GTPBP10: variants seen among roughly 807,000 people sequenced by gnomAD.
GTPBP10 encodes GTP binding protein 10, also known as GTP-binding protein 10.
In GTPBP10, 38 loss-of-function variants were observed where a neutral mutation model predicts 44.8. The observed-to-expected ratio is 0.85, with a 90% CI of 0.65 to 1.11. The LOEUF (loss-of-function observed/expected upper bound fraction) is 1.11, where lower values mean the gene tolerates loss of function less well. GTPBP10 is among the 50% of genes most tolerant of loss of function. The probability of loss-of-function intolerance (pLI) is 0.00; values close to 1 mark genes in which losing one functional copy is unlikely to be tolerated. For synonymous variants in GTPBP10, 152 were observed against 150.6 expected, an observed-to-expected ratio of 1.01 and a Z score of -0.07; for missense variants, 462 against 453.7, an observed-to-expected ratio of 1.02 and a Z score of -0.17.
rs117480664 is a variant in GTPBP10, at chr7:90,371,749, C to G, written c.465-406C>G. 2.7e-4 allele frequency among the ~76,000 whole-genome samples: 41 copies of G among 152,210 alleles called. No individual in the cohort carries two copies. The East Asian group carries it at 7.3e-3, about 27-fold the overall frequency. On this transcript the variant is annotated intron_variant, in intron 4 of 9. Coordinates refer to ENST00000222511, the MANE Select transcript of GTPBP10 (RefSeq NM_033107.4). ...TAGCTAAATGGAATTCATTACACCT[C>G]TCTACTTTTGTATATGTTTGAAACT...
At chr7:90,383,940 TG>T (rs1796476648) in intron 9 of GTPBP10, among the ~76,000 whole-genome samples, 1 of 152,210 alleles carries the variant, frequency 6.6e-6, no homozygotes, top group Non-Finnish European at 1.5e-5. Context: ...ATGTTGGAGC[TG>T]TCCTTGAGTT....
chr7:90,386,931 T>C lies in GTPBP10; in HGVS notation c.*1777T>C, dbSNP rs1425465370. ...AGTTCTTCCCAGGGAAAATGATTAA[T>C]AGTTTACATTCTTGCAGAAATTTTT... On this transcript the variant is annotated 3_prime_UTR_variant, in exon 10 of 10. Coordinates refer to ENST00000222511, the MANE Select transcript of GTPBP10 (RefSeq NM_033107.4). 6.6e-6 allele frequency: 1 copy of C among 152,200 alleles called. No individual in the cohort carries two copies. Among genetic ancestry groups the C allele is most frequent in the Non-Finnish European group, 1.5e-5 (1 of 68,030 alleles). 9.4% of individuals were successfully genotyped at this position (152,200 alleles called of 1,614,324 possible).
intron 8 of GTPBP10, among the ~76,000 whole-genome samples, chr7:90,379,804 A>C (rs1439386246): frequency 6.6e-6 from 1 of 152,158 alleles, no homozygotes; most frequent in Non-Finnish European, 1.5e-5. Flanking sequence ...TGTATGTTCC[A>C]ATTTTTCCAC....
At chr7:90,355,815 A>C (rs1584629570) in intron 4 of GTPBP10, among the ~76,000 whole-genome samples, 1 of 152,128 alleles carries the variant, frequency 6.6e-6, no homozygotes, top group African/African-American at 2.4e-5. Context: ...GTCCTCTTCC[A>C]CCAGCCTCCA....
chr7:90,377,449 T>C (rs1175217610), intron 6 of GTPBP10, 58 bp from the exon 7 acceptor site: 1 of 1,160,208 alleles, frequency 8.6e-7, no homozygotes, highest in South Asian at 1.4e-5. Context: ...TGGGATGTAA[T>C]TGAACTTGCG....
intron 4 of GTPBP10, among the ~76,000 whole-genome samples, chr7:90,359,116 G>A (rs573201984): frequency 8.6e-5 from 13 of 151,940 alleles, no homozygotes; most frequent in African/African-American, 3.1e-4. Flanking sequence ...GTGGGGAAAA[G>A]AGAACTCATA....
rs144280551 is a variant in GTPBP10 at position 90,379,594 on chromosome 7, CT to C, written c.777+1388del. Among the ~76,000 whole-genome samples the C allele has an allele frequency of 7.1e-3, 1,083 of 152,306 alleles. 9 individuals carry two copies. The highest frequency in any genetic ancestry group is 0.025 in the African/African-American group (1,043 of 41,550). On this transcript the variant is annotated intron_variant, in intron 8 of 9. Coordinates refer to ENST00000222511, the MANE Select transcript of GTPBP10 (RefSeq NM_033107.4). Reference sequence around the variant, plus strand: ...TTTATAGATCCTATTTCATTTGCCACTTTTTGTCTATAATGAATAATACTGC... The same window carrying C: ...TTTATAGATCCTATTTCATTTGCCACTTTTGTCTATAATGAATAATACTGC...
rs548879948 is a variant in GTPBP10 at position 90,357,411 on chromosome 7, G to A, written c.464+2181G>A. 1.1e-3 allele frequency among the ~76,000 whole-genome samples: 164 copies of A among 152,150 alleles called. 3 individuals are homozygous for A. In the South Asian group the frequency reaches 0.016, roughly 15 times the overall value. ...TAAGAACCTGGATGAAACAGGGTAT[G>A]AAAAAACTATATGTTCCAGGAGAAA... On this transcript the variant is annotated intron_variant, in intron 4 of 9. Coordinates refer to ENST00000222511, the MANE Select transcript of GTPBP10 (RefSeq NM_033107.4).
intron 8 of GTPBP10, among the ~76,000 whole-genome samples, chr7:90,381,042 A>G (rs1185136394): frequency 2.0e-5 from 3 of 152,196 alleles, no homozygotes; most frequent in Admixed American, 2.0e-4. Flanking sequence ...ATTGATGGAC[A>G]CTGAGGTTGA....
intron 6 of GTPBP10, among the ~76,000 whole-genome samples, chr7:90,375,441 A>G (rs1796328925): frequency 6.6e-6 from 1 of 151,606 alleles, no homozygotes; most frequent in Non-Finnish European, 1.5e-5. Context: ...CTAACGATGC[A>G]TCAATATGGG....
At chr7:90,347,519 G>GT in intron 1 of GTPBP10, 1 of 527,506 alleles carries the variant, frequency 1.9e-6, no homozygotes, top group Non-Finnish European at 2.4e-6. Flanking sequence ...AATCCCATTT[G>GT]TTTTTTATAA....
intron 8 of GTPBP10, among the ~76,000 whole-genome samples, chr7:90,382,040 GA>G (rs1175314710): frequency 6.6e-5 from 10 of 151,668 alleles, no homozygotes; most frequent in Non-Finnish European, 1.3e-4. Context: ...GCAACAAAAA[GA>G]AAAATAGACA....
intron 4 of GTPBP10, among the ~76,000 whole-genome samples, chr7:90,365,675 C>T (rs182995480): frequency 1.5e-3 from 228 of 152,244 alleles, no homozygotes; most frequent in African/African-American, 4.0e-3. Context: ...CGCGCCCGGC[C>T]GGGGTTTTCT....
intron 4 of GTPBP10, among the ~76,000 whole-genome samples, chr7:90,371,460 A>T (rs907890417): frequency 1.3e-5 from 2 of 152,194 alleles, no homozygotes; most frequent in Non-Finnish European, 2.9e-5. Context: ...TTTTGCAGAC[A>T]ATAGAGGGAA....
At chr7:90,354,994 A>G in intron 3 of GTPBP10, 92 bp from the exon 4 acceptor site, 1 of 777,350 alleles carries the variant, frequency 1.3e-6, no homozygotes, top group Non-Finnish European at 2.0e-6. Context: ...GTAATTTTGC[A>G]TTTCTTTGCC....
At chr7:90,373,304 A>C (rs1315090887) in intron 5 of GTPBP10, among the ~76,000 whole-genome samples, 1 of 152,202 alleles carries the variant, frequency 6.6e-6, no homozygotes, top group Non-Finnish European at 1.5e-5. Context: ...CTCGGCCTGT[A>C]ATGTAGAAAA....
rs58735928 is a variant in GTPBP10 at position 90,380,074 on chromosome 7, C to CTTT, written c.777+1883_777+1885dup. Among the ~76,000 whole-genome samples the CTTT allele has an allele frequency of 2.5e-3, 259 of 104,366 alleles. 1 individual carries two copies. Among genetic ancestry groups the CTTT allele is most frequent in the Non-Finnish European group, 3.5e-3 (182 of 51,432 alleles). 68.5% of individuals were successfully genotyped at this position (104,366 alleles called of 152,430 possible). A position where few individuals can be genotyped will look rare whatever the true frequency, so the allele number is the denominator to read the frequency against. On this transcript the variant is annotated intron_variant, in intron 8 of 9. Coordinates refer to ENST00000222511, the MANE Select transcript of GTPBP10 (RefSeq NM_033107.4). ...GTATTTTTGGAAATAAGTCCCTTCTCTTTTTTTTTTTTTTTTTTTTTTGAG... is the reference window on the plus strand; with the variant it reads ...GTATTTTTGGAAATAAGTCCCTTCTCTTTTTTTTTTTTTTTTTTTTTTTTTGAG...
chr7:90,373,787 T>C (rs1796300611), intron 5 of GTPBP10, among the ~76,000 whole-genome samples: 1 of 152,196 alleles, frequency 6.6e-6, no homozygotes, highest in Non-Finnish European at 1.5e-5. Flanking sequence ...GTTCAGTAAT[T>C]ACATTAGGCC....
chr7:90,348,485 A>G (rs528873835), intron 1 of GTPBP10, among the ~76,000 whole-genome samples: 2 of 152,316 alleles, frequency 1.3e-5, no homozygotes, highest in African/African-American at 4.8e-5. Context: ...AGTTACTAAG[A>G]AAGTCAGAAA....
Sources: allele counts gnomAD v4.1 joint callset (sites outside exome capture counted in the v4.1 genomes callset), GRCh38; gene constraint gnomAD v4.1.1; transcripts MANE v1.5; gene names NCBI Gene and HGNC (gene_info 2026-07-23, HGNC 2026-07-21).